Variants in CDA observed in about 807,000 individuals in gnomAD.
CDA encodes cytidine aminohydrolase.
In CDA, 7 loss-of-function variants were observed where a neutral mutation model predicts 15.0. The observed-to-expected ratio is 0.47, with a 90% CI of 0.26 to 0.87. The LOEUF is 0.87. Among genes scored for constraint, CDA ranks in the 40% least tolerant of loss-of-function variants. The pLI, the probability that CDA is intolerant of heterozygous loss-of-function variation, is 0.15. For synonymous variants in CDA, 58 were observed against 73.0 expected (o/e 0.79, Z 1.05); for missense variants, 159 against 182.7 (o/e 0.87, Z 0.75).
At chr1:20,617,670 AT>A (rs1267414092) in intron 3 of CDA, among the ~76,000 whole-genome samples, 1 of 151,270 alleles carries the variant, frequency 6.6e-6, no homozygotes. Flanking sequence ...CTGTGAGTCC[AT>A]TAAACCTCCT....
intron 2 of CDA, among the ~76,000 whole-genome samples, chr1:20,613,509 T>C (rs2154532847): frequency 6.6e-6 from 1 of 152,326 alleles, no homozygotes; most frequent in Middle Eastern, 3.4e-3. Context: ...CCAGCTGCAT[T>C]TTGTTTAACA....
intron 1 of CDA, among the ~76,000 whole-genome samples, chr1:20,593,760 C>T (rs1010678542): frequency 1.2e-4 from 18 of 152,228 alleles, no homozygotes; most frequent in African/African-American, 4.1e-4. Flanking sequence ...ATTTTTATAG[C>T]GATGAGGTCT....
chr1:20,603,040 G>T (rs1321239976), intron 1 of CDA, among the ~76,000 whole-genome samples: 1 of 152,182 alleles, frequency 6.6e-6, no homozygotes, highest in Non-Finnish European at 1.5e-5. Context: ...TTCAGTGGTG[G>T]GTACCACGGC....
chr1:20,596,888 G>A (rs1480159938), intron 1 of CDA, among the ~76,000 whole-genome samples: 3 of 151,002 alleles, frequency 2.0e-5, no homozygotes, highest in East Asian at 2.0e-4. Context: ...AGCCTCCCAA[G>A]TAGCTGAGAT....
At chr1:20,596,981 C>T (rs1303324590) in intron 1 of CDA, among the ~76,000 whole-genome samples, 1 of 152,026 alleles carries the variant, frequency 6.6e-6, no homozygotes, top group African/African-American at 2.4e-5. Context: ...AGGCTAGTCT[C>T]GAACTCCTGG....
intron 3 of CDA, 138 bp from the exon 4 acceptor site, chr1:20,618,314 G>A: frequency 7.3e-6 from 5 of 688,592 alleles, no homozygotes; most frequent in Non-Finnish European, 2.7e-6. Context: ...TACAATTATG[G>A]TCATTCCCCT....
At chr1:20,613,278 ACTGCAACCTTTGCCTC>A (rs1245390696) in intron 2 of CDA, among the ~76,000 whole-genome samples, 2 of 151,116 alleles carry the variant, frequency 1.3e-5, no homozygotes, top group Non-Finnish European at 2.9e-5. Flanking sequence ...GTCTTGGCTC[ACTGCAACCTTTGCCTC>A]CCGGATTCAA....
intron 3 of CDA, among the ~76,000 whole-genome samples, chr1:20,615,748 C>G (rs1267156283): frequency 1.3e-5 from 2 of 152,132 alleles, no homozygotes; most frequent in African/African-American, 4.8e-5. Context: ...CACCTGTAAG[C>G]CCTGCACTTT....
chr1:20,595,477 C>T (rs186188746), intron 1 of CDA, among the ~76,000 whole-genome samples: 51 of 152,254 alleles, frequency 3.3e-4, no homozygotes, highest in African/African-American at 1.2e-3. Context: ...GGCCCCATCC[C>T]CCCAACACCA....
At chr1:20,602,265 C>A (rs527744076) in intron 1 of CDA, among the ~76,000 whole-genome samples, 1 of 152,124 alleles carries the variant, frequency 6.6e-6, no homozygotes, top group East Asian at 1.9e-4. Context: ...AGACCAGGGG[C>A]GGGCTGGAGT....
chr1:20,608,857 T>A (rs909304320), intron 2 of CDA, among the ~76,000 whole-genome samples: 5 of 152,210 alleles, frequency 3.3e-5, no homozygotes, highest in Non-Finnish European at 7.4e-5. Flanking sequence ...TCACCTTTCA[T>A]GATCTACAGC....
intron 3 of CDA, among the ~76,000 whole-genome samples, chr1:20,614,461 C>T (rs1293718090): frequency 6.6e-6 from 1 of 152,182 alleles, no homozygotes; most frequent in African/African-American, 2.4e-5. Flanking sequence ...AGCCACTTTG[C>T]CCTGACACAG....
At chr1:20,596,964 G>T (rs971368824) in intron 1 of CDA, among the ~76,000 whole-genome samples, 3 of 151,918 alleles carry the variant, frequency 2.0e-5, no homozygotes, top group Admixed American at 6.6e-5. Context: ...GTTTTGACAT[G>T]TTGCCCAGGC....
intron 3 of CDA, 99 bp from the exon 4 acceptor site, chr1:20,618,353 G>T (rs1327615275): frequency 2.8e-6 from 2 of 726,260 alleles, no homozygotes; most frequent in Non-Finnish European, 5.0e-6. Context: ...AAGGTAAAGA[G>T]AGGAACATTA....
intron 2 of CDA, among the ~76,000 whole-genome samples, chr1:20,609,099 T>C (rs767842948): frequency 6.6e-6 from 1 of 152,146 alleles, no homozygotes; most frequent in Non-Finnish European, 1.5e-5. Flanking sequence ...ACCTTCCCAG[T>C]GGAATGCATG....
intron 3 of CDA, among the ~76,000 whole-genome samples, 160 bp from the exon 4 acceptor site, chr1:20,618,292 C>T (rs1041971158): frequency 2.4e-5 from 3 of 127,124 alleles, no homozygotes; most frequent in Non-Finnish European, 3.4e-5. Flanking sequence ...CCCTGCAGCA[C>T]TATGATCCAG....
intron 3 of CDA, among the ~76,000 whole-genome samples, chr1:20,616,379 G>C (rs769670473): frequency 3.9e-5 from 6 of 152,186 alleles, no homozygotes; most frequent in Admixed American, 1.3e-4. Flanking sequence ...GGGTTTCAAA[G>C]CATCTGGGGA....
chr1:20,602,068 C>T (rs2052648916), intron 1 of CDA, among the ~76,000 whole-genome samples: 2 of 145,016 alleles, frequency 1.4e-5, no homozygotes. Flanking sequence ...TTACAGTGAG[C>T]TATGATCATG....
intron 1 of CDA, among the ~76,000 whole-genome samples, chr1:20,602,768 A>G (rs937714521): frequency 5.3e-5 from 8 of 152,170 alleles, no homozygotes; most frequent in Non-Finnish European, 7.4e-5. Context: ...TGGCGATCCA[A>G]TTCTATCAAA....
Sources: allele counts gnomAD v4.1 joint callset (sites outside exome capture counted in the v4.1 genomes callset), GRCh38; gene constraint gnomAD v4.1.1; transcripts MANE v1.5; gene names NCBI Gene and HGNC (gene_info 2026-07-23, HGNC 2026-07-21).